The following C10orf90 variants were observed in gnomAD, a reference collection of about 807,000 sequenced individuals.
C10orf90 encodes the protein chromosome 10 open reading frame 90.
Under a neutral mutation model 62.5 loss-of-function variants are expected in C10orf90, and 56 were observed. The ratio of observed to expected loss-of-function variants is 0.90; its 90% confidence interval spans 0.72 to 1.12. The LOEUF (loss-of-function observed/expected upper bound fraction) is 1.12. Among genes scored for constraint, C10orf90 ranks in the 50% most tolerant of loss-of-function variants. The pLI is 0.00. For synonymous variants in C10orf90, 386 were observed against 340.4 expected (o/e 1.13, Z -1.47); for missense variants, 970 against 880.4 (o/e 1.10, Z -1.29).
At position 126,459,033 on chromosome 10, in the gene C10orf90, A is replaced by C; in HGVS notation, c.2188+7T>G. On this transcript the variant is annotated splice_region_variant and intron_variant, in intron 7 of 9. Transcript: ENST00000488181. ...TTTCCAGTCTCCACAAGCCACCTGC[A>C]GCTTACCACTCAGAGGATGGGGAAT... 1 of 1,608,888 alleles carries C rather than the reference A, an allele frequency of 6.2e-7. No homozygotes were observed. The highest frequency in any genetic ancestry group is 8.5e-7 in the Non-Finnish European group (1 of 1,177,586).
At chr10:126,646,495 AAGAG>A (rs139048711) in intron 2 of C10orf90, 66 bp downstream of exon 2, 86 of 320,316 alleles carry the variant, frequency 2.7e-4, no homozygotes, top group African/African-American at 7.9e-4. Flanking sequence ...ATAAAAATAA[AAGAG>A]AGAGAGAGAG....
rs1217859995 is a variant in C10orf90, at chr10:126,670,640, G to C, written c.-160C>G. Among the ~76,000 whole-genome samples, 1 of 132,802 alleles carries C rather than the reference G, an allele frequency of 7.5e-6. No individual in the cohort carries two copies. Among genetic ancestry groups the C allele is most frequent in the Admixed American group, 8.9e-5 (1 of 11,272 alleles). The allele number at this position is 132,802 out of a possible 152,430, so 87.1% of individuals were successfully genotyped here. A position where few individuals can be genotyped will look rare whatever the true frequency, so the allele number is the denominator to read the frequency against. On this transcript the variant is annotated 5_prime_UTR_variant, in exon 1 of 10. Coordinates refer to ENST00000488181, the MANE Select transcript of C10orf90 (RefSeq NM_001350921.2). Reference sequence around the variant, plus strand: ...CAGAGCTAGTTGTCTCAATATCCCAGCTACATTTGTGAAGGATGTGGATGT... The same window carrying C: ...CAGAGCTAGTTGTCTCAATATCCCACCTACATTTGTGAAGGATGTGGATGT...
chr10:126,469,833 G>A (rs2133760584), intron 4 of C10orf90: 1 of 456,544 alleles, frequency 2.2e-6, no homozygotes, highest in African/African-American at 2.0e-5. Flanking sequence ...TTGGGTGTCT[G>A]TTGAACACCC....
intron 2 of C10orf90, among the ~76,000 whole-genome samples, chr10:126,554,709 A>T (rs1350412906): frequency 6.6e-6 from 1 of 152,212 alleles, no homozygotes; most frequent in African/African-American, 2.4e-5. Flanking sequence ...AGGCAGTACA[A>T]TATTTTTAAA....
At chr10:126,530,418 C>T (rs963395570) in intron 2 of C10orf90, among the ~76,000 whole-genome samples, 1 of 151,156 alleles carries the variant, frequency 6.6e-6, no homozygotes, top group Non-Finnish European at 1.5e-5. Flanking sequence ...AGACTACAGA[C>T]ATGAAAAGGA....
At chr10:126,440,750 C>T (rs956776659) in intron 7 of C10orf90, among the ~76,000 whole-genome samples, 1 of 152,140 alleles carries the variant, frequency 6.6e-6, no homozygotes, top group African/African-American at 2.4e-5. Context: ...CAGCCTGGAG[C>T]CTGGTAGACT....
intron 4 of C10orf90, among the ~76,000 whole-genome samples, chr10:126,493,683 T>C (rs1350589817): frequency 6.6e-6 from 1 of 152,086 alleles, no homozygotes; most frequent in East Asian, 1.9e-4. Context: ...TAAGAAAAAA[T>C]GAAGCCCTAG....
intron 2 of C10orf90, chr10:126,523,357 T>C (rs923279550): frequency 2.0e-5 from 3 of 152,230 alleles, no homozygotes; most frequent in African/African-American, 7.2e-5. Context: ...GATGTGATCA[T>C]GCCACTATCT....
rs139010518 is a variant in C10orf90, at chr10:126,459,764, T to G, written c.2011-547A>C. Among the ~76,000 whole-genome samples, 46 of 152,308 alleles carry G rather than the reference T, an allele frequency of 3.0e-4. No individual in the cohort carries two copies. In the East Asian group the frequency reaches 7.2e-3, roughly 24 times the overall value. On this transcript the variant is annotated intron_variant, in intron 6 of 9. Transcript: ENST00000488181. ...GGTAGAAAGAGCTGGGAGGAAACCT[T>G]TGCCTATACAGAAAGTTCTGTGAGC... is the stretch of plus-strand genomic sequence containing the variant.
chr10:126,459,944 C>T (rs1446466782), intron 6 of C10orf90, among the ~76,000 whole-genome samples: 1 of 152,214 alleles, frequency 6.6e-6, no homozygotes, highest in Non-Finnish European at 1.5e-5. Flanking sequence ...CGTGGAGTCC[C>T]ACAACTGTTC....
chr10:126,547,735 A>C (rs1440728840), intron 2 of C10orf90, among the ~76,000 whole-genome samples: 2 of 152,156 alleles, frequency 1.3e-5, no homozygotes, highest in Admixed American at 6.5e-5. Context: ...CTAATGAAAC[A>C]AAAAGCTCAG....
At chr10:126,608,209 A>C (rs549345176) in intron 2 of C10orf90, among the ~76,000 whole-genome samples, 69 of 152,158 alleles carry the variant, frequency 4.5e-4, no homozygotes, top group Non-Finnish European at 7.3e-4. Flanking sequence ...CCTGGGCTCA[A>C]GCGATCCTCC....
intron 2 of C10orf90, among the ~76,000 whole-genome samples, chr10:126,622,391 C>T (rs1340749525): frequency 6.6e-6 from 1 of 152,170 alleles, no homozygotes; most frequent in East Asian, 1.9e-4. Context: ...AGAAAAAAGC[C>T]TCAGGTTCCA....
chr10:126,513,196 G>C (rs539829535), intron 3 of C10orf90, among the ~76,000 whole-genome samples: 1 of 152,300 alleles, frequency 6.6e-6, no homozygotes, highest in South Asian at 2.1e-4. Context: ...CAGTCCTTTA[G>C]AGCAAGCTAA....
chr10:126,440,121 C>T (rs1353092171), intron 7 of C10orf90, among the ~76,000 whole-genome samples: 3 of 152,208 alleles, frequency 2.0e-5, no homozygotes, highest in Non-Finnish European at 4.4e-5. Flanking sequence ...AACTAAAGCC[C>T]TTTTCTTTCA....
intron 2 of C10orf90, among the ~76,000 whole-genome samples, chr10:126,541,740 G>A (rs573096331): frequency 1.1e-4 from 17 of 152,176 alleles, no homozygotes; most frequent in African/African-American, 1.4e-4. Flanking sequence ...AGTCTCATCC[G>A]TTGCCAATGG....
chr10:126,617,395 C>G (rs1845562625), intron 2 of C10orf90, among the ~76,000 whole-genome samples: 1 of 152,186 alleles, frequency 6.6e-6, no homozygotes, highest in South Asian at 2.1e-4. Context: ...CAAGATGACA[C>G]CACTGACCTA....
chr10:126,664,764 G>C (rs114052558), intron 1 of C10orf90, among the ~76,000 whole-genome samples: 2 of 152,274 alleles, frequency 1.3e-5, no homozygotes, highest in East Asian at 3.9e-4. Context: ...CCATTGTAGC[G>C]AGATTGGAGA....
chr10:126,532,862 G>GAAAAAAAAAAAAAAAAAAAAA (rs1564860259), intron 2 of C10orf90, among the ~76,000 whole-genome samples: 273 of 22,084 alleles, frequency 0.012, 51 homozygotes, highest in Non-Finnish European at 0.029. Context: ...AAAAAATAGT[G>GAAAAAAAAAAAAAAAAAAAAA]AGCACAAAAC....
Sources: gnomAD v4.1 joint callset for allele counts (sites outside exome capture counted in the v4.1 genomes callset) on GRCh38, gnomAD v4.1.1 for gene constraint, MANE v1.5 for transcripts, NCBI Gene and HGNC (gene_info 2026-07-23, HGNC 2026-07-21) for gene names.